ZNF407: variants seen among roughly 807,000 people sequenced by gnomAD.
The protein encoded by ZNF407 is zinc finger protein 407.
Under a neutral mutation model 131.2 loss-of-function variants are expected in ZNF407, and 17 were observed. The ratio of observed to expected loss-of-function variants is 0.13; its 90% CI spans 0.09 to 0.19. ZNF407 has a LOEUF of 0.19. Ranked by LOEUF, ZNF407 falls within the 10% of genes least tolerant of loss-of-function variation. The probability of loss-of-function intolerance (pLI) is 1.00; values close to 1 mark genes in which losing one functional copy is unlikely to be tolerated. For synonymous variants in ZNF407, 1,156 were observed against 1,062.0 expected (o/e 1.09, Z -1.72); for missense variants, 2,681 against 2,830.6 (o/e 0.95, Z 1.20).
Position 74,633,378 on chromosome 18 carries a change from G to A in ZNF407, c.2359G>A (p.Glu787Lys), listed in dbSNP as rs202197768. 2.5e-6 allele frequency: 4 copies of A among 1,613,980 alleles called. No individual in the cohort carries two copies. The East Asian group carries it at 8.9e-5, about 36-fold the overall frequency. ...ATGTATAGGTGCAAATGATAAAAAA[G>A]AAGAGTTTGATGTTTCCGGAAATGG... ...RVCIGANDKKEEFDVSGNGRI... is the reference protein window; with the variant it reads ...RVCIGANDKKKEFDVSGNGRI... Residue 787 changes from glutamate (E) to lysine (K), a missense_variant, in exon 2 of 9, where the codon GAA becomes AAA. Coordinates refer to ENST00000299687, the MANE Select transcript of ZNF407 (RefSeq NM_017757.3).
At chr18:74,867,280 C>T (rs544054372) in intron 4 of ZNF407, among the ~76,000 whole-genome samples, 6 of 152,292 alleles carry the variant, frequency 3.9e-5, no homozygotes, top group African/African-American at 9.6e-5. Context: ...GTAAACTATA[C>T]GATATACGAT....
chr18:74,836,063 A>G (rs1599186071), intron 4 of ZNF407, among the ~76,000 whole-genome samples: 1 of 152,100 alleles, frequency 6.6e-6, no homozygotes, highest in East Asian at 1.9e-4. Flanking sequence ...GTGTGCTTCT[A>G]GAAGCTTCGT....
intron 8 of ZNF407, among the ~76,000 whole-genome samples, chr18:74,922,798 A>G (rs1971863729): frequency 6.6e-6 from 1 of 152,200 alleles, no homozygotes; most frequent in African/African-American, 2.4e-5. Flanking sequence ...AGTTTGAATG[A>G]ACTATCCCTA....
intron 8 of ZNF407, among the ~76,000 whole-genome samples, chr18:75,019,398 C>T (rs568402948): frequency 2.0e-5 from 3 of 152,290 alleles, no homozygotes; most frequent in Admixed American, 1.3e-4. Flanking sequence ...TCCTCCTCCC[C>T]ATATCCATGG....
rs1337608454 is a variant in ZNF407 at position 74,634,205 on chromosome 18, C to G, written c.3186C>G (p.Thr1062=). 1.2e-6 allele frequency: 2 copies of G among 1,614,028 alleles called. No homozygotes were observed. The highest frequency in any genetic ancestry group is 2.2e-5 in the East Asian group (1 of 44,892). ...ACGCGGTGACTCGTCGCGAGATGAC[C>G]AGGCATGCAGCAACAGAGAAGCACA... The part of the protein sequence containing the change: ...DYYAVTRREM[T]RHAATEKHKM... Residue 1062 remains threonine, a synonymous_variant, in exon 2 of 9, where the codon ACC becomes ACG. Transcript: ENST00000299687.
intron 8 of ZNF407, among the ~76,000 whole-genome samples, chr18:74,991,607 G>A (rs1972719685): frequency 6.6e-6 from 1 of 152,096 alleles, no homozygotes; most frequent in East Asian, 1.9e-4. Context: ...ATTTAAACAT[G>A]GTTATTCTTA....
intron 8 of ZNF407, among the ~76,000 whole-genome samples, chr18:75,000,795 T>C (rs1346473361): frequency 6.6e-6 from 1 of 152,180 alleles, no homozygotes; most frequent in African/African-American, 2.4e-5. Context: ...ACTAAGAGCA[T>C]TGTGGAATAT....
At chr18:74,779,409 C>T (rs1029840185) in intron 3 of ZNF407, among the ~76,000 whole-genome samples, 3 of 151,834 alleles carry the variant, frequency 2.0e-5, no homozygotes, top group African/African-American at 4.8e-5. Flanking sequence ...CCACCGCGCC[C>T]GGTCAGCTTA....
chr18:75,041,801 G>A (rs1246325358), intron 8 of ZNF407, among the ~76,000 whole-genome samples: 3 of 152,152 alleles, frequency 2.0e-5, no homozygotes, highest in African/African-American at 4.8e-5. Context: ...CATTCAAGAG[G>A]TAGCTTGTCC....
chr18:74,826,627 C>A (rs779867307), intron 4 of ZNF407, among the ~76,000 whole-genome samples: 2 of 152,146 alleles, frequency 1.3e-5, no homozygotes, highest in Non-Finnish European at 2.9e-5. Flanking sequence ...CCTCCGAAGC[C>A]AAACAGAGAA....
At chr18:75,009,495 T>C (rs917476878) in intron 8 of ZNF407, among the ~76,000 whole-genome samples, 1 of 152,216 alleles carries the variant, frequency 6.6e-6, no homozygotes, top group African/African-American at 2.4e-5. Flanking sequence ...TGACTTGATT[T>C]CTAGCTATGT....
At chr18:74,964,569 C>T (rs1972387329) in intron 8 of ZNF407, among the ~76,000 whole-genome samples, 1 of 146,446 alleles carries the variant, frequency 6.8e-6, no homozygotes, top group South Asian at 2.1e-4. Flanking sequence ...ATTCAACAAC[C>T]TATCATCCGG....
At chr18:74,914,177 A>G (rs1000592916) in intron 7 of ZNF407, among the ~76,000 whole-genome samples, 1 of 152,080 alleles carries the variant, frequency 6.6e-6, no homozygotes, top group Non-Finnish European at 1.5e-5. Context: ...GGGGAATCTC[A>G]CTTCCCTTCC....
intron 4 of ZNF407, among the ~76,000 whole-genome samples, chr18:74,853,406 C>T (rs1451061481): frequency 1.3e-5 from 2 of 152,116 alleles, no homozygotes; most frequent in Admixed American, 6.5e-5. Flanking sequence ...TATACTTTAC[C>T]ACTCAGGAAC....
At position 74,999,092 on chromosome 18, in the gene ZNF407, G is replaced by A. The variant is rs372116827; in HGVS notation, c.5429-64058G>A. 1.9e-4 allele frequency among the ~76,000 whole-genome samples: 7 copies of A among 37,534 alleles called. No homozygotes were observed. In the South Asian group the frequency reaches 3.2e-3, roughly 17 times the overall value. The allele number at this position is 37,534 out of a possible 152,430, so 24.6% of individuals were successfully genotyped here. On this transcript the variant is annotated intron_variant, in intron 8 of 8. Coordinates refer to ENST00000299687, the MANE Select transcript of ZNF407 (RefSeq NM_017757.3). ...AAACCATCATTCTCAGTAAACTATC[G>A]CAAGAACAAAAAACCAAACACCGCA...
Position 74,942,158 on chromosome 18 carries a change from GA to G in ZNF407, c.5428+21467del, listed in dbSNP as rs1379809246. ...ATTATTAATATAAACTAGAGGAAAG[GA>G]GCTTGTGATTCTTATGTCCACCAGA... is the stretch of plus-strand genomic sequence containing the variant. On this transcript the variant is annotated intron_variant, in intron 8 of 8. Coordinates refer to ENST00000299687, the MANE Select transcript of ZNF407 (RefSeq NM_017757.3). Among the ~76,000 whole-genome samples the G allele has an allele frequency of 6.6e-5, 10 of 152,296 alleles. No individual in the cohort carries two copies. In the South Asian group the frequency reaches 2.1e-3, roughly 32 times the overall value.
chr18:74,890,832 C>T (rs1321296891), intron 7 of ZNF407, among the ~76,000 whole-genome samples: 1 of 152,084 alleles, frequency 6.6e-6, no homozygotes, highest in Non-Finnish European at 1.5e-5. Flanking sequence ...ACATCTCAGC[C>T]GTGGCGTAAA....
chr18:74,634,643 A>C lies in ZNF407; in HGVS notation c.3624A>C (p.Leu1208Phe), dbSNP rs1017861342. ...FQNENSGSSALNCETAKKNHE... is the reference protein window; with the variant it reads ...FQNENSGSSAFNCETAKKNHE... ...ATGAAAATTCAGGAAGCTCTGCCTT[A>C]AATTGTGAGACAGCAAAGAAAAACC... The change falls in exon 2 of 9, where the codon TTA (leucine) becomes TTC (phenylalanine). Residue 1208 changes from leucine (L) to phenylalanine (F), a missense_variant. Transcript: ENST00000299687. 5.0e-6 allele frequency: 8 copies of C among 1,613,986 alleles called. No homozygotes were observed. Among genetic ancestry groups the C allele is most frequent in the African/African-American group, 2.7e-5 (2 of 75,058 alleles).
intron 4 of ZNF407, among the ~76,000 whole-genome samples, chr18:74,793,023 A>G (rs1476427183): frequency 6.6e-6 from 1 of 152,210 alleles, no homozygotes; most frequent in East Asian, 1.9e-4. Context: ...GTCGATTCCT[A>G]AGACATGCAA....
Sources: allele counts gnomAD v4.1 joint callset (sites outside exome capture counted in the v4.1 genomes callset), GRCh38; gene constraint gnomAD v4.1.1; transcripts MANE v1.5; gene names NCBI Gene and HGNC (gene_info 2026-07-23, HGNC 2026-07-21).